Variants in TTLL7 observed in about 807,000 individuals in gnomAD.
The protein encoded by TTLL7 is tubulin tyrosine ligase like 7.
In TTLL7, 53 loss-of-function variants were observed where a neutral mutation model predicts 120.2. The ratio of observed to expected loss-of-function variants is 0.44; its 90% confidence interval spans 0.35 to 0.55. TTLL7 has a LOEUF of 0.55. Among genes scored for constraint, TTLL7 ranks in the 20% least tolerant of loss-of-function variants. TTLL7 has a pLI of 0.00. For missense variants in TTLL7, 803 were observed against 1,054.7 expected (o/e 0.76, Z 3.31); for synonymous variants, 353 against 351.7 (o/e 1.00, Z -0.04).
chr1:83,872,766 T>G (rs1653554965), intron 20 of TTLL7, among the ~76,000 whole-genome samples: 1 of 152,256 alleles, frequency 6.6e-6, no homozygotes, highest in Non-Finnish European at 1.5e-5. Context: ...AAATAGTGTT[T>G]TCTATGTGCC....
chr1:83,922,735 A>G lies in TTLL7; in HGVS notation c.1143-1341T>C, dbSNP rs917554453. ...CAAATTTAACTTTACACAATGAAGG[A>G]GAACATAAATTTTTAAAAGAGGGCA... On this transcript the variant is annotated intron_variant, in intron 10 of 20. Coordinates refer to ENST00000260505, the MANE Select transcript of TTLL7 (RefSeq NM_024686.6). Among the ~76,000 whole-genome samples, 16 of 151,422 alleles carry G rather than the reference A, an allele frequency of 1.1e-4. 2 individuals are homozygous for G. Among genetic ancestry groups the G allele is most frequent in the African/African-American group, 3.9e-4 (16 of 41,018 alleles).
chr1:83,992,945 TATGA>T (rs1653143174), intron 1 of TTLL7, among the ~76,000 whole-genome samples: 1 of 152,112 alleles, frequency 6.6e-6, no homozygotes, highest in Admixed American at 6.5e-5. Flanking sequence ...CAGCAATCAT[TATGA>T]ATATCACACA....
At chr1:83,929,888 T>G (rs1289365970) in intron 9 of TTLL7, among the ~76,000 whole-genome samples, 1 of 152,190 alleles carries the variant, frequency 6.6e-6, no homozygotes, top group Non-Finnish European at 1.5e-5. Context: ...CTTAGCTTCT[T>G]GACCACCAAC....
chr1:83,985,956 T>C (rs972452862), intron 1 of TTLL7, among the ~76,000 whole-genome samples: 1 of 152,206 alleles, frequency 6.6e-6, no homozygotes, highest in Admixed American at 6.5e-5. Flanking sequence ...CAGACCAAGG[T>C]GGTTTTATTA....
chr1:83,895,239 G>A lies in TTLL7; in HGVS notation c.2209-4758C>T, dbSNP rs527267844. On this transcript the variant is annotated intron_variant, in intron 18 of 20. Transcript: ENST00000260505. Reference sequence around the variant, plus strand: ...GCCCATCTTGATAATAAAGTTACCAGGTCCCCAAGGCTTAAGACAAGGTCT... The same window carrying A: ...GCCCATCTTGATAATAAAGTTACCAAGTCCCCAAGGCTTAAGACAAGGTCT... Among the ~76,000 whole-genome samples, 16 of 152,090 alleles carry A rather than the reference G, an allele frequency of 1.1e-4. No individual in the cohort carries two copies. The East Asian group carries it at 2.7e-3, about 26-fold the overall frequency.
At chr1:83,984,840 G>T (rs1279704968) in intron 1 of TTLL7, among the ~76,000 whole-genome samples, 1 of 151,996 alleles carries the variant, frequency 6.6e-6, no homozygotes, top group Non-Finnish European at 1.5e-5. Context: ...CACTAAATGG[G>T]TTATGGGACT....
At chr1:83,906,274 A>G in intron 17 of TTLL7, 55 bp downstream of exon 17, 1 of 1,422,024 alleles carries the variant, frequency 7.0e-7, no homozygotes, top group East Asian at 2.3e-5. Context: ...TTAATATTTT[A>G]AGAAGAATAA....
intron 5 of TTLL7, 50 bp from the exon 6 acceptor site, chr1:83,947,332 T>C (rs758288548): frequency 6.6e-7 from 1 of 1,511,784 alleles, no homozygotes; most frequent in East Asian, 2.3e-5. Flanking sequence ...AACTAGCATA[T>C]ATTTTCTTTC....
intron 19 of TTLL7, among the ~76,000 whole-genome samples, chr1:83,889,320 C>G (rs1460555981): frequency 1.3e-5 from 2 of 152,066 alleles, no homozygotes; most frequent in African/African-American, 4.8e-5. Context: ...CAGGTCCCTC[C>G]CATGACACGT....
intron 1 of TTLL7, among the ~76,000 whole-genome samples, chr1:83,969,117 T>C (rs1164576972): frequency 6.6e-6 from 1 of 152,000 alleles, no homozygotes; most frequent in Non-Finnish European, 1.5e-5. Flanking sequence ...TCTGATGATA[T>C]TCAATGTCAG....
intron 20 of TTLL7, among the ~76,000 whole-genome samples, chr1:83,874,848 G>C (rs1249743337): frequency 1.3e-5 from 2 of 151,796 alleles, no homozygotes; most frequent in Non-Finnish European, 1.5e-5. Flanking sequence ...ACAGAGTATG[G>C]AGCCAATGAA....
intron 3 of TTLL7, among the ~76,000 whole-genome samples, chr1:83,950,551 C>T (rs916033337): frequency 2.0e-5 from 3 of 152,130 alleles, no homozygotes; most frequent in African/African-American, 7.2e-5. Flanking sequence ...CTACTGAAAA[C>T]GTTTATGCTC....
chr1:83,926,335 A>G (rs1046297474), intron 10 of TTLL7, among the ~76,000 whole-genome samples: 12 of 152,120 alleles, frequency 7.9e-5, no homozygotes, highest in African/African-American at 2.4e-4. Context: ...CTCACTCACT[A>G]CATGTTTATT....
chr1:83,878,440 C>T (rs527982599), intron 20 of TTLL7, among the ~76,000 whole-genome samples: 1 of 151,894 alleles, frequency 6.6e-6, no homozygotes, highest in East Asian at 1.9e-4. Context: ...CAAACCATCC[C>T]GAGCACTGTT....
chr1:83,885,524 A>C (rs1654898589), intron 19 of TTLL7, among the ~76,000 whole-genome samples: 1 of 152,040 alleles, frequency 6.6e-6, no homozygotes, highest in Non-Finnish European at 1.5e-5. Flanking sequence ...TATTTAAAAT[A>C]AATATATGAA....
chr1:83,912,660 CAG>C (rs1211051185), intron 14 of TTLL7, among the ~76,000 whole-genome samples: 1 of 152,124 alleles, frequency 6.6e-6, no homozygotes, highest in African/African-American at 2.4e-5. Context: ...GCCTGGAATA[CAG>C]AGTGAGCCAA....
At chr1:83,920,558 C>T (rs1658553900) in intron 12 of TTLL7, 1 of 154,488 alleles carries the variant, frequency 6.5e-6, no homozygotes, top group African/African-American at 2.4e-5. Context: ...ATTCCTTTAT[C>T]CTGCTCAGGC....
intron 13 of TTLL7, 70 bp downstream of exon 13, chr1:83,919,629 G>T: frequency 7.3e-7 from 1 of 1,372,170 alleles, no homozygotes; most frequent in Non-Finnish European, 9.7e-7. Context: ...TCGGACCAAG[G>T]TGGCTTGTCT....
chr1:83,935,839 C>T lies in TTLL7; in HGVS notation c.888+2013G>A, dbSNP rs535800860. On this transcript the variant is annotated intron_variant, in intron 8 of 20. Transcript: ENST00000260505. ...TATTATCCCATTGATTCACCTTAAA[C>T]AGTTATCTATATAAAGTATACCAAT... is the stretch of plus-strand genomic sequence containing the variant. Among the ~76,000 whole-genome samples the T allele has an allele frequency of 8.5e-5, 13 of 152,262 alleles. No homozygotes were observed. The East Asian group carries it at 1.7e-3, about 20-fold the overall frequency.
Sources: allele counts gnomAD v4.1 joint callset (sites outside exome capture counted in the v4.1 genomes callset), GRCh38; gene constraint gnomAD v4.1.1; transcripts MANE v1.5; gene names NCBI Gene and HGNC (gene_info 2026-07-23, HGNC 2026-07-21).